The following HPSE2 variants were observed in gnomAD, a reference collection of about 807,000 sequenced individuals.
HPSE2 encodes heparanase 2 (inactive).
Under a neutral mutation model 60.5 loss-of-function variants are expected in HPSE2, and 38 were observed. The ratio of observed to expected loss-of-function variants is 0.63; its 90% confidence interval spans 0.48 to 0.82. The LOEUF (loss-of-function observed/expected upper bound fraction) is 0.82, where lower values mean the gene tolerates loss of function less well. Among genes scored for constraint, HPSE2 ranks in the 40% least tolerant of loss-of-function variants. HPSE2 has a pLI of 0.00. For synonymous variants in HPSE2, 295 were observed against 293.2 expected (o/e 1.01, Z -0.06); for missense variants, 713 against 740.4 (o/e 0.96, Z 0.43).
intron 9 of HPSE2, among the ~76,000 whole-genome samples, chr10:98,534,645 T>TCAGCCGAC (rs1943228074): frequency 2.6e-5 from 4 of 152,176 alleles, no homozygotes; most frequent in African/African-American, 9.7e-5. Context: ...CCTCAGGTGA[T>TCAGCCGAC]CTGCCCACCT....
intron 6 of HPSE2, among the ~76,000 whole-genome samples, chr10:98,688,370 A>G (rs1307495912): frequency 6.6e-6 from 1 of 151,858 alleles, no homozygotes; most frequent in African/African-American, 2.4e-5. Flanking sequence ...TTTAGCCACA[A>G]ATGTACCATT....
At position 99,039,218 on chromosome 10, in the gene HPSE2, GC is replaced by G. The variant is rs764677189; in HGVS notation, c.610+105019del. Among the ~76,000 whole-genome samples the G allele has an allele frequency of 1.2e-4, 18 of 152,192 alleles. No homozygotes were observed. In the South Asian group the frequency reaches 3.7e-3, roughly 32 times the overall value. On this transcript the variant is annotated intron_variant, in intron 3 of 11. Transcript: ENST00000370552. ...GAAGAGGTAAAATGAAATGTTCAAA[GC>G]CATAGGCTTCTGTTTCCCAGCCAGT...
intron 3 of HPSE2, among the ~76,000 whole-genome samples, chr10:98,887,006 C>G (rs182051496): frequency 6.6e-6 from 1 of 152,174 alleles, no homozygotes; most frequent in Non-Finnish European, 1.5e-5. Flanking sequence ...GGTTTTGGAT[C>G]CTCTGTAAAT....
At chr10:99,261,093 A>G in the HPSE2 span, among the ~76,000 whole-genome samples, 1 of 152,274 alleles carries the variant, frequency 6.6e-6, no homozygotes, top group East Asian at 1.9e-4. Flanking sequence ...CTGTCCAGGC[A>G]TTCTTTTACA....
intron 3 of HPSE2, among the ~76,000 whole-genome samples, chr10:98,951,288 T>C (rs1188949249): frequency 1.3e-5 from 2 of 152,134 alleles, no homozygotes; most frequent in Non-Finnish European, 2.9e-5. Context: ...GTTGGTACCA[T>C]TAAGATGCCC....
At chr10:98,713,820 C>T (rs370722482) in intron 5 of HPSE2, among the ~76,000 whole-genome samples, 1 of 151,884 alleles carries the variant, frequency 6.6e-6, no homozygotes, top group Non-Finnish European at 1.5e-5. Context: ...AAGAGTCAAG[C>T]AAATTCCATG....
intron 3 of HPSE2, among the ~76,000 whole-genome samples, chr10:98,744,266 G>A (rs560936575): frequency 3.3e-5 from 5 of 152,298 alleles, no homozygotes; most frequent in South Asian, 4.1e-4. Context: ...GGTGGCTCAC[G>A]CCTGTAATCC....
chr10:98,667,072 A>G (rs1947382942), intron 6 of HPSE2, among the ~76,000 whole-genome samples: 1 of 152,022 alleles, frequency 6.6e-6, no homozygotes, highest in Admixed American at 6.6e-5. Context: ...ACAATCAGAA[A>G]GACAAAGATG....
At chr10:98,977,187 T>A (rs1956105609) in intron 3 of HPSE2, among the ~76,000 whole-genome samples, 1 of 152,210 alleles carries the variant, frequency 6.6e-6, no homozygotes, top group Non-Finnish European at 1.5e-5. Flanking sequence ...TTGCTATCTG[T>A]GATAGACTAG....
intron 9 of HPSE2, among the ~76,000 whole-genome samples, chr10:98,607,060 TC>T (rs1565009283): frequency 7.9e-6 from 1 of 126,634 alleles, no homozygotes; most frequent in African/African-American, 2.9e-5. Context: ...TCTTTCTCCC[TC>T]CCTCCCTCCC....
In HPSE2 at chr10:98,933,877, G is replaced by A. The variant is rs567757102; in HGVS notation, c.611-189821C>T. 3.3e-4 allele frequency among the ~76,000 whole-genome samples: 47 copies of A among 140,836 alleles called. 9 individuals are homozygous for A. Among genetic ancestry groups the A allele is most frequent in the African/African-American group, 9.2e-4 (31 of 33,796 alleles). The allele number at this position is 140,836 out of a possible 152,430, so 92.4% of individuals were successfully genotyped here. A position where few individuals can be genotyped will look rare whatever the true frequency, so the allele number is the denominator to read the frequency against. On this transcript the variant is annotated intron_variant, in intron 3 of 11. Transcript: ENST00000370552. ...CTCCCGAGTAGCTGGGACTACAGGC[G>A]CCCACCACCACACCCGGCTAATGTT...
chr10:98,472,822 C>CTCTT (rs5787288), intron 11 of HPSE2, among the ~76,000 whole-genome samples: 61,389 of 151,730 alleles, frequency 0.4, 13,336 homozygotes, highest in African/African-American at 0.6. Context: ...CAAGATAATA[C>CTCTT]TCTAATAGTT....
chr10:98,877,168 T>C (rs1445670244), intron 3 of HPSE2, among the ~76,000 whole-genome samples: 5 of 151,954 alleles, frequency 3.3e-5, no homozygotes, highest in Admixed American at 3.3e-4. Context: ...TTTGACTGAC[T>C]GAATTTCCTT....
intron 3 of HPSE2, among the ~76,000 whole-genome samples, chr10:99,090,084 G>T (rs957018223): frequency 1.3e-5 from 2 of 152,010 alleles, no homozygotes; most frequent in Non-Finnish European, 2.9e-5. Context: ...TGAGTCTTTA[G>T]GGTTTTCCAT....
intron 3 of HPSE2, among the ~76,000 whole-genome samples, chr10:98,900,670 T>C (rs919098000): frequency 2.0e-5 from 3 of 152,198 alleles, no homozygotes; most frequent in African/African-American, 7.2e-5. Context: ...CCTGTACATG[T>C]TCGTCAAAGT....
At chr10:98,649,100 C>A (rs1389336530) in intron 6 of HPSE2, among the ~76,000 whole-genome samples, 3 of 152,122 alleles carry the variant, frequency 2.0e-5, no homozygotes, top group East Asian at 3.9e-4. Flanking sequence ...CAGAACCCAA[C>A]CATCTATGTG....
chr10:98,469,002 C>T (rs1327726540), intron 11 of HPSE2, among the ~76,000 whole-genome samples: 1 of 152,098 alleles, frequency 6.6e-6, no homozygotes, highest in Admixed American at 6.6e-5. Context: ...TACCAGGACC[C>T]TTTATACAAG....
chr10:99,227,144 C>T (rs1284702422), intron 2 of HPSE2, among the ~76,000 whole-genome samples: 2 of 152,042 alleles, frequency 1.3e-5, no homozygotes, highest in African/African-American at 4.8e-5. Context: ...GAATTAATTA[C>T]TTCATCTGTG....
At chr10:98,801,623 C>A (rs1950909958) in intron 3 of HPSE2, among the ~76,000 whole-genome samples, 1 of 151,772 alleles carries the variant, frequency 6.6e-6, no homozygotes, top group South Asian at 2.1e-4. Flanking sequence ...AATTGAATAC[C>A]TAGAAATTTC....
Sources: gnomAD v4.1 joint callset for allele counts (sites outside exome capture counted in the v4.1 genomes callset) on GRCh38, gnomAD v4.1.1 for gene constraint, MANE v1.5 for transcripts, NCBI Gene and HGNC (gene_info 2026-07-23, HGNC 2026-07-21) for gene names.